AGAP2: variants seen among roughly 807,000 people sequenced by gnomAD.
The protein encoded by AGAP2 is ArfGAP with GTPase domain, ankyrin repeat and PH domain 2, also known as arf-GAP with GTPase, ANK repeat and PH domain-containing protein 2.
In AGAP2, 32 loss-of-function variants were observed where a neutral mutation model predicts 110.9. That is an observed-to-expected ratio of 0.29 (90% CI 0.22 to 0.39). AGAP2 has a LOEUF of 0.39. Among genes scored for constraint, AGAP2 ranks in the 10% least tolerant of loss-of-function variants. AGAP2 has a pLI of 1.00. For missense variants in AGAP2, 1,285 were observed against 1,638.5 expected, an observed-to-expected ratio of 0.78 and a Z score of 3.72; for synonymous variants, 702 against 713.0, an observed-to-expected ratio of 0.98 and a Z score of 0.25.
intron 15 of AGAP2, 79 bp from the exon 16 acceptor site, chr12:57,727,850 C>A: frequency 6.3e-7 from 1 of 1,596,878 alleles, no homozygotes; most frequent in Non-Finnish European, 8.5e-7. Flanking sequence ...TCTCCTCTCA[C>A]ACGACTTCGG....
In AGAP2 at chr12:57,727,083, T is replaced by C. The variant is rs1231651880; in HGVS notation, c.3227A>G (p.His1076Arg). Residue 1076 changes from histidine to arginine, a missense_variant, in exon 18 of 19, where the codon CAT becomes CGT. Physicochemically the swap from His to Arg is conservative, Grantham distance 29. Around this residue, in one of 7 missense-constraint regions of AGAP2, gnomAD observed 201 missense variants for 276.1 expected, o/e 0.73. Transcript: ENST00000547588. ...DVATVLLLLA[H>R]ARHGPLDTSV... ...GGTGTCGAGCGGCCCGTGTCGCGCA[T>C]GGGCCAAAAGCAGGAGAACGGTAGC... is the stretch of plus-strand genomic sequence containing the variant. The C allele has an allele frequency of 1.3e-6, 2 of 1,595,476 alleles. No individual in the cohort carries two copies. The highest frequency in any genetic ancestry group is 1.7e-6 in the Non-Finnish European group (2 of 1,172,020).
chr12:57,737,771 G>A lies in AGAP2; in HGVS notation c.476C>T (p.Ala159Val). Residue 159 changes from alanine to valine, a missense_variant, in exon 1 of 19, where the codon GCG becomes GTG. This residue lies in a region of AGAP2 where 844 missense variants were observed against 941.2 expected (regional missense o/e 0.90). Coordinates refer to ENST00000547588, the MANE Select transcript of AGAP2 (RefSeq NM_001122772.3). The surrounding 1 kb of genome is among the most constrained non-coding windows in gnomAD (Gnocchi z 5.9). Reference sequence around the variant, plus strand: ...GGATGAGCCAGGGATGCCGCCGCCCGCCCGGCCTTCGGGCTCCGGGCCGCC... The same window carrying A: ...GGATGAGCCAGGGATGCCGCCGCCCACCCGGCCTTCGGGCTCCGGGCCGCC... ...SWGGPEPEGR[A>V]GGGIPGSSSP... 1.3e-6 allele frequency: 2 copies of A among 1,532,774 alleles called. No individual in the cohort carries two copies. The highest frequency in any genetic ancestry group is 1.2e-5 in the South Asian group (1 of 83,824). 94.9% of individuals were successfully genotyped at this position (1,532,774 alleles called of 1,614,324 possible). A position where few individuals can be genotyped will look rare whatever the true frequency, so the allele number is the denominator to read the frequency against.
intron 10 of AGAP2, 129 bp downstream of exon 10, chr12:57,731,237 C>T (rs1954878793): frequency 7.2e-6 from 6 of 836,466 alleles, no homozygotes; most frequent in Admixed American, 2.3e-5. Flanking sequence ...TTAACACATG[C>T]CTGCTAAACT....
chr12:57,733,447 C>A (rs1017797977), intron 5 of AGAP2, among the ~76,000 whole-genome samples: 2 of 152,132 alleles, frequency 1.3e-5, no homozygotes, highest in South Asian at 4.1e-4. Flanking sequence ...TAGGCACCAG[C>A]AGAACAGGCA....
At position 57,734,097 on chromosome 12, in the gene AGAP2, A is replaced by T. The variant is rs774716003; in HGVS notation, c.1478T>A (p.Leu493His). Residue 493 changes from leucine to histidine, a missense_variant, in exon 5 of 19, where the codon CTC (leucine) becomes CAC (histidine). Coordinates refer to ENST00000547588, the MANE Select transcript of AGAP2 (RefSeq NM_001122772.3). ...GCGAAGGGAACTCAGCTGCCCATGG[A>T]GACGGCTCACAGCCTGGAAACTGTT... ...DENSFQAVSRLHGQLSSLRGE... is the reference protein window; with the variant it reads ...DENSFQAVSRHHGQLSSLRGE... 3 of 1,613,720 alleles carry T rather than the reference A, an allele frequency of 1.9e-6. No individual in the cohort carries two copies. In the Admixed American group the frequency reaches 5.0e-5, roughly 27 times the overall value.
chr12:57,741,882 A>C (rs1274328588), upstream of AGAP2: 1 of 1,602,470 alleles, frequency 6.2e-7, no homozygotes, highest in South Asian at 1.1e-5. Flanking sequence ...TCCCTGATAC[A>C]CCCAAGTTGA....
rs1022974982 is a variant in AGAP2 at position 57,738,580 on chromosome 12, G to C, written c.-334C>G. On this transcript the variant is annotated 5_prime_UTR_variant, in exon 1 of 19. Coordinates refer to ENST00000547588, the MANE Select transcript of AGAP2 (RefSeq NM_001122772.3). The surrounding 1 kb of genome is among the most constrained non-coding windows in gnomAD (Gnocchi z 6.7). Reference sequence around the variant, plus strand: ...GGGGGAGGGCGGGGAGGACAGTAGTGGGGGCAAATGGGGGAGAGAGAGGAA... The same window carrying C: ...GGGGGAGGGCGGGGAGGACAGTAGTCGGGGCAAATGGGGGAGAGAGAGGAA... 2.0e-5 allele frequency among the ~76,000 whole-genome samples: 3 copies of C among 151,948 alleles called. No individual in the cohort carries two copies. The highest frequency in any genetic ancestry group is 4.4e-5 in the Non-Finnish European group (3 of 67,926).
At chr12:57,732,081 T>A in intron 7 of AGAP2, 114 bp from the exon 8 acceptor site, 1 of 1,206,670 alleles carries the variant, frequency 8.3e-7, no homozygotes, top group Non-Finnish European at 1.1e-6. Context: ...ACCATTTATT[T>A]ATGTTGTCAT....
chr12:57,723,917 C>G (rs1022075985), downstream of AGAP2: 2 of 152,222 alleles, frequency 1.3e-5, no homozygotes, highest in African/African-American at 4.8e-5. Flanking sequence ...TCCCAAACTT[C>G]TGAAGAAGGG....
At chr12:57,731,237 C>A in intron 10 of AGAP2, 129 bp downstream of exon 10, 1 of 836,588 alleles carries the variant, frequency 1.2e-6, no homozygotes, top group Non-Finnish European at 1.9e-6. Context: ...TTAACACATG[C>A]CTGCTAAACT....
At position 57,738,446 on chromosome 12, in the gene AGAP2, G is replaced by A. The variant is rs1040524766; in HGVS notation, c.-200C>T. The A allele has an allele frequency of 7.5e-6, 3 of 400,252 alleles. No individual in the cohort carries two copies. The highest frequency in any genetic ancestry group is 1.0e-5 in the Non-Finnish European group (3 of 294,832). 24.8% of individuals were successfully genotyped at this position (400,252 alleles called of 1,614,324 possible). On this transcript the variant is annotated 5_prime_UTR_variant, in exon 1 of 19. Transcript: ENST00000547588. This position sits in a 1 kb window ranked among gnomAD's most constrained non-coding sequence, Gnocchi z 6.7. ...ATCACATGGGGCGCCCCCTCCCCAT[G>A]CTCCCCGCCCTGCGCCCCCACCCTC...
intron 16 of AGAP2, 30 bp downstream of exon 16, chr12:57,727,651 C>CT: frequency 6.3e-7 from 1 of 1,594,132 alleles, no homozygotes; most frequent in Non-Finnish European, 8.5e-7. Flanking sequence ...ACTACACTCC[C>CT]TAGCCCCTCC....
At position 57,725,337 on chromosome 12, in the gene AGAP2, G is replaced by GGA. The variant is rs1954743144; in HGVS notation, c.*1214_*1215insTC. ...GGTCCTTTGCAAACTATTTTAGCCA[G>GGA]AAAAAAAAAAAAAAAAAAAGACCGG... On this transcript the variant is annotated 3_prime_UTR_variant, in exon 19 of 19. Coordinates refer to ENST00000547588, the MANE Select transcript of AGAP2 (RefSeq NM_001122772.3). 1 of 119,128 alleles carries GGA rather than the reference G, an allele frequency of 8.4e-6. No individual in the cohort carries two copies. The highest frequency in any genetic ancestry group is 2.9e-4 in the South Asian group (1 of 3,444). 7.4% of individuals were successfully genotyped at this position (119,128 alleles called of 1,614,324 possible).
upstream of AGAP2, among the ~76,000 whole-genome samples, chr12:57,738,907 C>T (rs1955041217): frequency 6.6e-6 from 1 of 151,986 alleles, no homozygotes; most frequent in African/African-American, 2.4e-5. This position sits in a 1 kb window ranked among gnomAD's most constrained non-coding sequence, Gnocchi z 6.7. Flanking sequence ...GTCCGGGGGC[C>T]TCGCCTGGGC....
intron 5 of AGAP2, 40 bp from the exon 6 acceptor site, chr12:57,733,019 C>A (rs780210747): frequency 1.2e-6 from 2 of 1,610,812 alleles, no homozygotes; most frequent in Non-Finnish European, 1.7e-6. Context: ...ACAAGGAGCC[C>A]CACCTTGTTC....
chr12:57,735,586 G>A (rs1954966081), intron 1 of AGAP2, among the ~76,000 whole-genome samples, 159 bp from the exon 2 acceptor site: 1 of 152,106 alleles, frequency 6.6e-6, no homozygotes, highest in African/African-American at 2.4e-5. Flanking sequence ...TGGTCCCCAG[G>A]CCTCCCATCC....
Position 57,737,317 on chromosome 12 carries a change from C to G in AGAP2, c.930G>C (p.Ala310=), listed in dbSNP as rs762596643. 24 of 1,613,672 alleles carry G rather than the reference C, an allele frequency of 1.5e-5. No homozygotes were observed. Among genetic ancestry groups the G allele is most frequent in the South Asian group, 3.3e-5 (3 of 91,086 alleles). The change falls in exon 1 of 19, where the codon GCG becomes GCC. Residue 310 remains alanine, a synonymous_variant. Coordinates refer to ENST00000547588, the MANE Select transcript of AGAP2 (RefSeq NM_001122772.3). This position sits in a 1 kb window ranked among gnomAD's most constrained non-coding sequence, Gnocchi z 5.9. The stretch of plus-strand genomic sequence containing the variant: ...TTGGAGGTGCAGGCCCGGGGGGCTG[C>G]GCGGAAGCAGCGGTGACAGCAGTGG... The part of the protein sequence containing the change: ...SPATAVTAAS[A]QPPGPAPPIT...
In AGAP2 at chr12:57,737,398, C is replaced by A; in HGVS notation, c.849G>T (p.Pro283=). Residue 283 remains proline, a synonymous_variant, in exon 1 of 19, where the codon CCG becomes CCT. Transcript: ENST00000547588. This position sits in a 1 kb window ranked among gnomAD's most constrained non-coding sequence, Gnocchi z 5.9. ...GAGGAGGAGAGCCGGCAGGCGGTCC[C>A]GGATGCAAGTCACTGTTGTCCAAGG... ...SKTLDNSDLH[P]GPPAGSPPPL... The A allele has an allele frequency of 6.2e-7, 1 of 1,613,806 alleles. No homozygotes were observed. The highest frequency in any genetic ancestry group is 8.5e-7 in the Non-Finnish European group (1 of 1,179,812).
In AGAP2 at chr12:57,735,365, C is replaced by T. The variant is rs374200772; in HGVS notation, c.1227+4G>A. 1.2e-6 allele frequency: 2 copies of T among 1,613,838 alleles called. No homozygotes were observed. The highest frequency in any genetic ancestry group is 1.7e-6 in the Non-Finnish European group (2 of 1,179,914). On this transcript the variant is annotated splice_donor_region_variant and intron_variant, in intron 2 of 18. Coordinates refer to ENST00000547588, the MANE Select transcript of AGAP2 (RefSeq NM_001122772.3). ...CCTATAGGCAAGGGGACTGGGTTAC[C>T]TACCAGGCGCAGTTCAGGAATGGAG...
Sources: allele counts gnomAD v4.1 joint callset (sites outside exome capture counted in the v4.1 genomes callset), GRCh38; gene constraint gnomAD v4.1.1; regional missense constraint gnomAD v4.1.1; non-coding constraint Gnocchi (gnomAD v3.1); transcripts MANE v1.5; gene names NCBI Gene and HGNC (gene_info 2026-07-23, HGNC 2026-07-21).